Variants in PTPRD observed in about 807,000 individuals in gnomAD.
The protein encoded by PTPRD is receptor-type tyrosine-protein phosphatase delta.
Under a neutral mutation model 214.5 loss-of-function variants are expected in PTPRD, and 34 were observed. The observed-to-expected ratio is 0.16, with a 90% confidence interval of 0.12 to 0.21. The LOEUF (loss-of-function observed/expected upper bound fraction) is 0.21. PTPRD is among the 10% of genes least tolerant of loss of function. The probability of loss-of-function intolerance (pLI) is 1.00; values close to 1 mark genes in which losing one functional copy is unlikely to be tolerated. For synonymous variants in PTPRD, 1,128 were observed against 845.7 expected (o/e 1.33, Z -5.79); for missense variants, 2,545 against 2,398.7 (o/e 1.06, Z -1.27).
chr9:10,287,884 A>G (rs1041004644), intron 3 of PTPRD, among the ~76,000 whole-genome samples: 40 of 150,566 alleles, frequency 2.7e-4, no homozygotes, highest in African/African-American at 1.0e-3. Context: ...TTTGCCAGAC[A>G]GAGGGGGTTT....
chr9:8,926,713 T>C (rs1441737810), intron 11 of PTPRD, among the ~76,000 whole-genome samples: 2 of 152,208 alleles, frequency 1.3e-5, no homozygotes, highest in East Asian at 1.9e-4. Flanking sequence ...TCACATTAAA[T>C]ATTTTTATGT....
At chr9:9,863,130 G>T (rs978739535) in intron 5 of PTPRD, among the ~76,000 whole-genome samples, 3 of 152,092 alleles carry the variant, frequency 2.0e-5, no homozygotes, top group African/African-American at 7.2e-5. Context: ...GAAATATGAA[G>T]ATAAATTTGA....
intron 3 of PTPRD, among the ~76,000 whole-genome samples, chr9:10,118,066 T>G (rs1256854854): frequency 1.3e-5 from 2 of 152,010 alleles, no homozygotes. Context: ...ATAGTTCACT[T>G]GTAATTAGCC....
chr9:8,984,191 G>A (rs1385657367), intron 11 of PTPRD, among the ~76,000 whole-genome samples: 2 of 151,960 alleles, frequency 1.3e-5, no homozygotes, highest in African/African-American at 4.8e-5. Context: ...GATATTAAAT[G>A]TATTAAATAC....
intron 9 of PTPRD, among the ~76,000 whole-genome samples, chr9:9,337,982 C>T (rs60234975): frequency 0.011 from 1,610 of 152,222 alleles, 26 homozygotes; most frequent in African/African-American, 0.036. Context: ...AAAACACATG[C>T]ATTAAGAGGA....
intron 4 of PTPRD, among the ~76,000 whole-genome samples, chr9:9,948,647 G>T (rs2093088840): frequency 6.6e-6 from 1 of 151,986 alleles, no homozygotes; most frequent in Admixed American, 6.6e-5. Context: ...TTAAGGGTAA[G>T]TATGCAATAC....
At chr9:10,034,722 G>A (rs1023227339) in intron 3 of PTPRD, among the ~76,000 whole-genome samples, 6 of 151,784 alleles carry the variant, frequency 4.0e-5, no homozygotes, top group South Asian at 2.1e-4. Flanking sequence ...AATGGTCTCC[G>A]GCTGCATCCA....
intron 5 of PTPRD, among the ~76,000 whole-genome samples, chr9:9,826,708 T>C (rs2052996620): frequency 6.6e-6 from 1 of 151,874 alleles, no homozygotes. Context: ...AAAAGATCTT[T>C]TGCAAAGAGG....
chr9:9,345,462 G>C (rs939066976), intron 9 of PTPRD, among the ~76,000 whole-genome samples: 3 of 151,878 alleles, frequency 2.0e-5, no homozygotes, highest in Admixed American at 1.3e-4. Context: ...TGGACCCTGG[G>C]CTATGATTTT....
intron 6 of PTPRD, among the ~76,000 whole-genome samples, chr9:9,744,162 T>A (rs982201515): frequency 3.3e-5 from 5 of 152,106 alleles, no homozygotes; most frequent in Non-Finnish European, 7.4e-5. Context: ...AATTCAACCT[T>A]CCAAATGATC....
intron 10 of PTPRD, among the ~76,000 whole-genome samples, chr9:9,026,054 T>C (rs540640639): frequency 5.0e-4 from 76 of 151,902 alleles, no homozygotes; most frequent in African/African-American, 1.6e-3. Context: ...CTAAGTGCCA[T>C]GAAAAAAATA....
At chr9:9,947,236 G>T (rs1023729086) in intron 4 of PTPRD, among the ~76,000 whole-genome samples, 5 of 132,448 alleles carry the variant, frequency 3.8e-5, no homozygotes, top group African/African-American at 1.4e-4. Flanking sequence ...GAATATAATG[G>T]TACATTTTAG....
intron 11 of PTPRD, among the ~76,000 whole-genome samples, chr9:8,840,435 T>A (rs1316880355): frequency 6.6e-6 from 1 of 152,194 alleles, no homozygotes; most frequent in African/African-American, 2.4e-5. Context: ...TGTGAGGCCT[T>A]CCCAACCACA....
chr9:9,722,757 C>T (rs529467410), intron 7 of PTPRD, among the ~76,000 whole-genome samples: 1 of 152,140 alleles, frequency 6.6e-6, no homozygotes, highest in African/African-American at 2.4e-5. Context: ...TCTAGGCATC[C>T]TAGTGGGTGA....
At chr9:10,395,729 T>G (rs1438615822) in intron 2 of PTPRD, among the ~76,000 whole-genome samples, 2 of 151,842 alleles carry the variant, frequency 1.3e-5, no homozygotes, top group Non-Finnish European at 2.9e-5. Flanking sequence ...AGTTCTCCCT[T>G]CCAAAGATTT....
intron 3 of PTPRD, among the ~76,000 whole-genome samples, chr9:10,202,635 C>T (rs2154335034): frequency 7.0e-6 from 1 of 143,114 alleles, no homozygotes; most frequent in Non-Finnish European, 1.5e-5. Flanking sequence ...CTTCAAATGC[C>T]ATAGCACCTG....
At chr9:9,488,708 G>A (rs937897589) in intron 8 of PTPRD, among the ~76,000 whole-genome samples, 3 of 152,174 alleles carry the variant, frequency 2.0e-5, no homozygotes, top group Non-Finnish European at 2.9e-5. Flanking sequence ...GAACTCTGCT[G>A]TCTATTTAAG....
At chr9:9,898,613 G>T (rs1357085519) in intron 5 of PTPRD, among the ~76,000 whole-genome samples, 1 of 152,048 alleles carries the variant, frequency 6.6e-6, no homozygotes, top group Non-Finnish European at 1.5e-5. Context: ...AGATTCTTTT[G>T]TGTGGTTGCT....
At chr9:10,123,215 C>T (rs1428862481) in intron 3 of PTPRD, among the ~76,000 whole-genome samples, 2 of 152,218 alleles carry the variant, frequency 1.3e-5, no homozygotes, top group Non-Finnish European at 2.9e-5. Flanking sequence ...TACATAGGTG[C>T]TCCTTCCTAT....
Sources: allele counts gnomAD v4.1 joint callset (sites outside exome capture counted in the v4.1 genomes callset), GRCh38; gene constraint gnomAD v4.1.1; transcripts MANE v1.5; gene names NCBI Gene and HGNC (gene_info 2026-07-23, HGNC 2026-07-21).